The following ITGBL1 variants were observed in gnomAD, a reference collection of about 807,000 sequenced individuals.
ITGBL1 encodes integrin beta-like protein 1.
Under a neutral mutation model 68.5 loss-of-function variants are expected in ITGBL1, and 51 were observed. The ratio of observed to expected loss-of-function variants is 0.74; its 90% CI spans 0.59 to 0.94. The LOEUF is 0.94. ITGBL1 is among the 40% of genes least tolerant of loss of function. ITGBL1 has a pLI of 0.00. For synonymous variants in ITGBL1, 209 were observed against 227.3 expected (o/e 0.92, Z 0.72); for missense variants, 649 against 647.4 (o/e 1.00, Z -0.03).
At chr13:101,506,001 C>T (rs961790566) in intron 2 of ITGBL1, among the ~76,000 whole-genome samples, 2 of 152,162 alleles carry the variant, frequency 1.3e-5, no homozygotes, top group African/African-American at 2.4e-5. Context: ...GATGACAGTA[C>T]AGTAGTGACA....
At position 101,665,484 on chromosome 13, in the gene ITGBL1, A is replaced by T. The variant is rs139299572; in HGVS notation, c.1016-27101A>T. On this transcript the variant is annotated intron_variant, in intron 7 of 10. Transcript: ENST00000376180. ...AATTATTAACCACTTGTATCTAGGG[A>T]CCTTGCTAAATTAATTTATTAATTG... Among the ~76,000 whole-genome samples the T allele has an allele frequency of 3.4e-3, 523 of 152,210 alleles. 4 individuals carry two copies. The highest frequency in any genetic ancestry group is 0.012 in the African/African-American group (502 of 41,546).
rs539582114 is a variant in ITGBL1, at chr13:101,557,589, A to T, written c.317-10110A>T. Among the ~76,000 whole-genome samples, 10 of 152,270 alleles carry T rather than the reference A, an allele frequency of 6.6e-5. No individual in the cohort carries two copies. The East Asian group carries it at 1.5e-3, about 24-fold the overall frequency. On this transcript the variant is annotated intron_variant, in intron 2 of 10. Transcript: ENST00000376180. Reference sequence around the variant, plus strand: ...GAGGAAATAAGAGTGATTTGTGAAGATGCATATTTTTTTTCAGTAAAACAG... The same window carrying T: ...GAGGAAATAAGAGTGATTTGTGAAGTTGCATATTTTTTTTCAGTAAAACAG...
chr13:101,678,234 T>C (rs1343279995), intron 7 of ITGBL1, among the ~76,000 whole-genome samples: 1 of 152,210 alleles, frequency 6.6e-6, no homozygotes, highest in African/African-American at 2.4e-5. Flanking sequence ...TTCTTTCTAA[T>C]GTCTGCGACT....
intron 7 of ITGBL1, among the ~76,000 whole-genome samples, chr13:101,604,849 T>C (rs2030601071): frequency 1.4e-4 from 2 of 13,886 alleles, no homozygotes; most frequent in South Asian, 3.6e-3. Context: ...GAAGGCAATA[T>C]ATATATATAT....
At chr13:101,626,984 CA>C (rs1246787927) in intron 7 of ITGBL1, among the ~76,000 whole-genome samples, 1 of 152,172 alleles carries the variant, frequency 6.6e-6, no homozygotes, top group African/African-American at 2.4e-5. Context: ...CTGATTCAGA[CA>C]CTTATAGGCT....
chr13:101,606,577 T>A (rs2030871713), intron 7 of ITGBL1, among the ~76,000 whole-genome samples: 1 of 137,524 alleles, frequency 7.3e-6, no homozygotes, highest in African/African-American at 2.8e-5. Context: ...ATTATCGATG[T>A]TCTCCTGAGC....
intron 2 of ITGBL1, among the ~76,000 whole-genome samples, chr13:101,530,431 G>A (rs924270994): frequency 2.0e-5 from 3 of 152,206 alleles, no homozygotes; most frequent in East Asian, 3.9e-4. Context: ...TGGGTGCCAT[G>A]TATCAGGGTG....
intron 2 of ITGBL1, among the ~76,000 whole-genome samples, chr13:101,505,909 C>G (rs1240255019): frequency 6.6e-6 from 1 of 152,194 alleles, no homozygotes; most frequent in Non-Finnish European, 1.5e-5. Flanking sequence ...CTTGCTGGGA[C>G]TAGGCCTGCA....
At chr13:101,605,060 G>T (rs1405395918) in intron 7 of ITGBL1, among the ~76,000 whole-genome samples, 3 of 142,642 alleles carry the variant, frequency 2.1e-5, no homozygotes, top group African/African-American at 7.7e-5. Context: ...GTGTATATGT[G>T]TATATGTGTA....
intron 2 of ITGBL1, among the ~76,000 whole-genome samples, chr13:101,510,545 C>T (rs1464978985): frequency 6.6e-6 from 1 of 152,102 alleles, no homozygotes. Context: ...AATGGTAGCT[C>T]TGTTTTAAGT....
At chr13:101,672,932 A>G (rs974768180) in intron 7 of ITGBL1, among the ~76,000 whole-genome samples, 5 of 152,210 alleles carry the variant, frequency 3.3e-5, no homozygotes, top group African/African-American at 1.2e-4. Flanking sequence ...ATTAGTGAGA[A>G]CAAAACCACC....
intron 2 of ITGBL1, among the ~76,000 whole-genome samples, chr13:101,541,983 T>C (rs1266348768): frequency 2.6e-5 from 4 of 152,226 alleles, no homozygotes; most frequent in Admixed American, 6.5e-5. Flanking sequence ...TCTATCAATT[T>C]TGTTGATCTT....
intron 7 of ITGBL1, among the ~76,000 whole-genome samples, chr13:101,691,378 A>G (rs1322597001): frequency 1.3e-5 from 2 of 152,178 alleles, no homozygotes; most frequent in Non-Finnish European, 2.9e-5. Flanking sequence ...ATTATCTTTA[A>G]TTACAGCTCT....
chr13:101,515,803 C>A (rs1055106469), intron 2 of ITGBL1, among the ~76,000 whole-genome samples: 1 of 152,052 alleles, frequency 6.6e-6, no homozygotes, highest in Non-Finnish European at 1.5e-5. Context: ...ATCTTCTCTG[C>A]GATGTACTTT....
intron 7 of ITGBL1, among the ~76,000 whole-genome samples, chr13:101,612,680 G>A (rs772374091): frequency 6.6e-6 from 1 of 152,140 alleles, no homozygotes; most frequent in Non-Finnish European, 1.5e-5. Context: ...GCAGTTTTTA[G>A]GTTAGGCTTC....
chr13:101,597,550 T>G lies in ITGBL1; in HGVS notation c.869-603T>G, dbSNP rs1171477011. Among the ~76,000 whole-genome samples the G allele has an allele frequency of 3.9e-5, 6 of 152,074 alleles. No homozygotes were observed. In the East Asian group the frequency reaches 1.2e-3, roughly 29 times the overall value. On this transcript the variant is annotated intron_variant, in intron 6 of 10. Coordinates refer to ENST00000376180, the MANE Select transcript of ITGBL1 (RefSeq NM_004791.3). Reference sequence around the variant, plus strand: ...CGTTTTTTCTTTTTTTGTTGTTTTTTTTGTTTTTTTGTTTTTTTTGAGACG... The same window carrying G: ...CGTTTTTTCTTTTTTTGTTGTTTTTGTTGTTTTTTTGTTTTTTTTGAGACG...
chr13:101,594,921 A>G (rs1367023559), intron 6 of ITGBL1, among the ~76,000 whole-genome samples: 1 of 152,144 alleles, frequency 6.6e-6, no homozygotes, highest in African/African-American at 2.4e-5. Flanking sequence ...TAAAAATACA[A>G]AAATTAGCCG....
chr13:101,660,809 A>G (rs763987314), intron 7 of ITGBL1, among the ~76,000 whole-genome samples: 8 of 152,156 alleles, frequency 5.3e-5, no homozygotes, highest in Non-Finnish European at 1.2e-4. Flanking sequence ...AGACCTCTCT[A>G]TTGTTATATC....
rs1405730951 is a variant in ITGBL1 at position 101,495,556 on chromosome 13, G to A, written c.316+41456G>A. On this transcript the variant is annotated intron_variant, in intron 2 of 10. Transcript: ENST00000376180. ...CTCCTCAACAGTGGGATTGCTATTTGTGTAGGAATCTTCTGGGTCCCCACA... is the reference window on the plus strand; with the variant it reads ...CTCCTCAACAGTGGGATTGCTATTTATGTAGGAATCTTCTGGGTCCCCACA... Among the ~76,000 whole-genome samples, 3 of 151,828 alleles carry A rather than the reference G, an allele frequency of 2.0e-5. No homozygotes were observed. In the South Asian group the frequency reaches 6.2e-4, roughly 32 times the overall value.
Sources: allele counts gnomAD v4.1 joint callset (sites outside exome capture counted in the v4.1 genomes callset), GRCh38; gene constraint gnomAD v4.1.1; transcripts MANE v1.5; gene names NCBI Gene and HGNC (gene_info 2026-07-23, HGNC 2026-07-21).